Variants in GRIA3 observed in about 807,000 individuals in gnomAD.
The protein encoded by GRIA3 is glutamate receptor 3.
Under a neutral mutation model 63.0 loss-of-function variants are expected in GRIA3, and 3 were observed. The ratio of observed to expected loss-of-function variants is 0.05; its 90% confidence interval spans 0.02 to 0.12. The LOEUF is 0.12. Ranked by LOEUF, GRIA3 falls within the 10% of genes least tolerant of loss-of-function variation. GRIA3 has a pLI of 1.00. For missense variants in GRIA3, 347 were observed against 700.9 expected (o/e 0.50, Z 5.70); for synonymous variants, 274 against 257.9 (o/e 1.06, Z -0.60).
chrX:123,283,099 C>A (rs1254350951), intron 3 of GRIA3, among the ~76,000 whole-genome samples: 1 of 111,460 alleles, frequency 9.0e-6, no homozygotes, highest in African/African-American at 3.3e-5. Flanking sequence ...GAAAGGCGAG[C>A]CAAAGCAGGG....
intron 3 of GRIA3, among the ~76,000 whole-genome samples, chrX:123,308,200 A>T (rs2044767350): frequency 8.9e-6 from 1 of 111,854 alleles, no homozygotes; most frequent in Non-Finnish European, 1.9e-5. Flanking sequence ...CGTAGTTCTC[A>T]GTCGTTATAC....
intron 3 of GRIA3, among the ~76,000 whole-genome samples, chrX:123,321,416 T>C (rs762342153): frequency 1.8e-5 from 2 of 112,116 alleles, no homozygotes; most frequent in East Asian, 5.6e-4. Context: ...CTCTGAGAGA[T>C]CTGGTGCAGA....
intron 5 of GRIA3, among the ~76,000 whole-genome samples, chrX:123,379,440 C>A: frequency 9.1e-6 from 1 of 110,123 alleles, no homozygotes; most frequent in Admixed American, 9.7e-5. Flanking sequence ...AGCCCAAAAC[C>A]ATCTCTTGCT....
chrX:123,448,935 C>A (rs762223121), intron 12 of GRIA3, among the ~76,000 whole-genome samples: 1 of 112,029 alleles, frequency 8.9e-6, no homozygotes, highest in South Asian at 3.7e-4. Flanking sequence ...ATTTCATTAC[C>A]TCAAGAACAC....
chrX:123,211,377 A>G lies in GRIA3; in HGVS notation c.268+25387A>G, dbSNP rs192376977. On this transcript the variant is annotated intron_variant, in intron 2 of 15. Transcript: ENST00000620443. Reference sequence around the variant, plus strand: ...CTAATTAAAAGGCAGTAATGCAATTACTGATCCCAAGGGTATACAATAAAT... The same window carrying G: ...CTAATTAAAAGGCAGTAATGCAATTGCTGATCCCAAGGGTATACAATAAAT... Among the ~76,000 whole-genome samples, 13 of 111,727 alleles carry G rather than the reference A, an allele frequency of 1.2e-4. No individual in the cohort carries two copies. In the East Asian group the frequency reaches 3.7e-3, roughly 32 times the overall value.
intron 4 of GRIA3, among the ~76,000 whole-genome samples, chrX:123,326,642 T>A (rs1317930094): frequency 9.0e-6 from 1 of 111,325 alleles, no homozygotes; most frequent in Non-Finnish European, 1.9e-5. Flanking sequence ...ATGTACTATT[T>A]CCAGACCCTT....
At chrX:123,483,186 T>C (rs1446977520) in intron 15 of GRIA3, 140 bp downstream of exon 15, 1 of 527,224 alleles carries the variant, frequency 1.9e-6, no homozygotes, top group African/African-American at 2.4e-5. Context: ...TTGAAAACAA[T>C]GGTTGTGCTT....
chrX:123,300,058 T>G (rs965596300), intron 3 of GRIA3, among the ~76,000 whole-genome samples: 1 of 111,743 alleles, frequency 8.9e-6, no homozygotes, highest in Non-Finnish European at 1.9e-5. Context: ...GAACCAATCT[T>G]GCATCCCAGG....
chrX:123,227,068 T>G (rs939095256), intron 2 of GRIA3, among the ~76,000 whole-genome samples: 2 of 112,064 alleles, frequency 1.8e-5, no homozygotes, highest in South Asian at 7.6e-4. Context: ...CATTATCTTC[T>G]GCACCTCTTG....
intron 12 of GRIA3, among the ~76,000 whole-genome samples, chrX:123,432,097 T>C (rs1371913569): frequency 1.8e-5 from 2 of 112,212 alleles, no homozygotes; most frequent in African/African-American, 6.5e-5. Context: ...AATAGAATTA[T>C]TTTAAAATGT....
chrX:123,409,154 A>G (rs1449430115), intron 10 of GRIA3, among the ~76,000 whole-genome samples: 1 of 112,032 alleles, frequency 8.9e-6, no homozygotes, highest in Non-Finnish European at 1.9e-5. Flanking sequence ...AGAACAGGGA[A>G]ATATTTCTTG....
At chrX:123,218,463 G>T (rs1471274751) in intron 2 of GRIA3, among the ~76,000 whole-genome samples, 1 of 111,231 alleles carries the variant, frequency 9.0e-6, no homozygotes, top group African/African-American at 3.3e-5. Context: ...TTTGTTTTTT[G>T]TTTTTTGTTT....
intron 3 of GRIA3, among the ~76,000 whole-genome samples, chrX:123,271,391 T>A (rs929210853): frequency 4.5e-5 from 5 of 112,020 alleles, no homozygotes; most frequent in African/African-American, 1.3e-4. Flanking sequence ...ATATTGTTGT[T>A]ACTTTACAGA....
intron 10 of GRIA3, among the ~76,000 whole-genome samples, chrX:123,406,765 A>G (rs1275383270): frequency 9.0e-6 from 1 of 111,631 alleles, no homozygotes; most frequent in Non-Finnish European, 1.9e-5. Context: ...GCAGTAAGAA[A>G]GAGAAGAATT....
chrX:123,218,325 G>A (rs1015407725), intron 2 of GRIA3, among the ~76,000 whole-genome samples: 2 of 112,049 alleles, frequency 1.8e-5, no homozygotes, highest in African/African-American at 3.2e-5. Flanking sequence ...TTTGACTTGC[G>A]ATGGGTCTGA....
At chrX:123,223,448 G>C (rs2044229265) in intron 2 of GRIA3, among the ~76,000 whole-genome samples, 1 of 112,529 alleles carries the variant, frequency 8.9e-6, no homozygotes, top group Non-Finnish European at 1.9e-5. Context: ...GGCTTACTGA[G>C]AGCAGACATG....
At chrX:123,362,329 G>A (rs1218794352) in intron 5 of GRIA3, among the ~76,000 whole-genome samples, 5 of 111,702 alleles carry the variant, frequency 4.5e-5, no homozygotes, top group Non-Finnish European at 9.4e-5. Context: ...AGTCAATACC[G>A]TGGAAGTCTG....
chrX:123,362,715 TA>T (rs5903639), intron 5 of GRIA3, among the ~76,000 whole-genome samples: 186 of 101,029 alleles, frequency 1.8e-3, no homozygotes, highest in African/African-American at 4.2e-3. Flanking sequence ...AAGCTGTTAG[TA>T]AAAAAAAAAA....
chrX:123,469,766 T>C (rs997569221), intron 13 of GRIA3, among the ~76,000 whole-genome samples: 5 of 112,273 alleles, frequency 4.5e-5, no homozygotes, highest in Non-Finnish European at 9.4e-5. Flanking sequence ...TCTATCATTG[T>C]AAATCACAGC....
Sources: gnomAD v4.1 joint callset for allele counts (sites outside exome capture counted in the v4.1 genomes callset) on GRCh38, gnomAD v4.1.1 for gene constraint, MANE v1.5 for transcripts, NCBI Gene and HGNC (gene_info 2026-07-23, HGNC 2026-07-21) for gene names.